The following MDGA2 variants were observed in gnomAD, a reference collection of about 807,000 sequenced individuals.
The protein encoded by MDGA2 is MAM domain containing glycosylphosphatidylinositol anchor 2.
In MDGA2, 40 loss-of-function variants were observed where a neutral mutation model predicts 117.8. The observed-to-expected ratio is 0.34, with a 90% CI of 0.26 to 0.44. The LOEUF is 0.44. Ranked by LOEUF, MDGA2 falls within the 20% of genes least tolerant of loss-of-function variation. MDGA2 has a pLI of 1.00. For synonymous variants in MDGA2, 452 were observed against 439.0 expected, an observed-to-expected ratio of 1.03 and a Z score of -0.37; for missense variants, 1,123 against 1,250.6, an observed-to-expected ratio of 0.90 and a Z score of 1.54.
chr14:46,848,074 G>A (rs1880912940), intron 15 of MDGA2, among the ~76,000 whole-genome samples: 1 of 151,862 alleles, frequency 6.6e-6, no homozygotes, highest in South Asian at 2.1e-4. Flanking sequence ...CATTCCCATG[G>A]GCTTTATGTG....
intron 8 of MDGA2, among the ~76,000 whole-genome samples, chr14:47,009,741 T>C (rs774027429): frequency 8.6e-5 from 13 of 152,032 alleles, no homozygotes; most frequent in Non-Finnish European, 1.6e-4. Flanking sequence ...GGTAAGAATT[T>C]TGAACTTTTA....
At chr14:47,386,267 C>T (rs1343442268) in intron 1 of MDGA2, among the ~76,000 whole-genome samples, 2 of 151,860 alleles carry the variant, frequency 1.3e-5, no homozygotes, top group Admixed American at 6.6e-5. Context: ...GCAACAAGAG[C>T]AAAACTCCAC....
intron 1 of MDGA2, among the ~76,000 whole-genome samples, chr14:47,360,117 T>C (rs190311694): frequency 6.6e-6 from 1 of 152,032 alleles, no homozygotes; most frequent in Non-Finnish European, 1.5e-5. Flanking sequence ...TTTGGGAGGC[T>C]GAGGTGGGCG....
intron 3 of MDGA2, among the ~76,000 whole-genome samples, chr14:47,146,908 A>G (rs895317578): frequency 6.6e-6 from 1 of 152,118 alleles, no homozygotes; most frequent in Non-Finnish European, 1.5e-5. Context: ...CCTGGTCTGG[A>G]TGACTTTTGG....
At chr14:47,590,410 A>G (rs1215141879) in intron 1 of MDGA2, among the ~76,000 whole-genome samples, 1 of 151,912 alleles carries the variant, frequency 6.6e-6, no homozygotes, top group South Asian at 2.1e-4. Context: ...ACAAAGTAAG[A>G]CACATTCAAG....
intron 3 of MDGA2, among the ~76,000 whole-genome samples, chr14:47,165,881 A>G (rs17651291): frequency 0.085 from 12,861 of 152,180 alleles, 613 homozygotes; most frequent in Non-Finnish European, 0.09. Flanking sequence ...AGGCAGAATA[A>G]AAACACACAT....
intron 6 of MDGA2, among the ~76,000 whole-genome samples, chr14:47,089,718 G>A (rs1306069636): frequency 2.0e-5 from 3 of 152,052 alleles, no homozygotes; most frequent in Non-Finnish European, 4.4e-5. Context: ...AAAAAAGGAT[G>A]AGTTCATGTC....
chr14:47,503,553 C>T (rs529032777), intron 1 of MDGA2, among the ~76,000 whole-genome samples: 30 of 151,824 alleles, frequency 2.0e-4, no homozygotes, highest in South Asian at 6.2e-4. Flanking sequence ...TACAGGCACC[C>T]GCCACCACGC....
chr14:46,866,237 A>G (rs968468864), intron 14 of MDGA2, among the ~76,000 whole-genome samples: 19 of 151,960 alleles, frequency 1.3e-4, no homozygotes, highest in African/African-American at 4.4e-4. Flanking sequence ...AAATAATGCC[A>G]CATATCCACA....
intron 1 of MDGA2, among the ~76,000 whole-genome samples, chr14:47,470,130 T>C (rs1197860359): frequency 7.0e-6 from 1 of 143,794 alleles, no homozygotes. Context: ...ATTTTTTTTT[T>C]GATGCTTTCA....
intron 1 of MDGA2, among the ~76,000 whole-genome samples, chr14:47,540,295 G>A (rs905950667): frequency 2.2e-4 from 33 of 151,978 alleles, no homozygotes; most frequent in African/African-American, 8.0e-4. Flanking sequence ...TTACAGGCGT[G>A]GGCCACCGTG....
intron 1 of MDGA2, among the ~76,000 whole-genome samples, chr14:47,421,331 A>G (rs540873375): frequency 1.3e-5 from 2 of 152,256 alleles, no homozygotes; most frequent in Admixed American, 1.3e-4. Flanking sequence ...AGAACAAACT[A>G]AATTGCAAAT....
At position 47,497,375 on chromosome 14, in the gene MDGA2, G is replaced by A. The variant is rs1363496955; in HGVS notation, c.280+177142C>T. Among the ~76,000 whole-genome samples, 30 of 152,122 alleles carry A rather than the reference G, an allele frequency of 2.0e-4. 1 individual carries two copies. The highest frequency in any genetic ancestry group is 2.0e-3 in the Admixed American group (30 of 15,270). On this transcript the variant is annotated intron_variant, in intron 1 of 16. Transcript: ENST00000399232. ...TGGCTCAATCAATTCTCCTGCCTCA[G>A]TCTCCTGAGTAACTGAGATTACAGG...
chr14:47,197,721 G>A (rs7160940), intron 3 of MDGA2, among the ~76,000 whole-genome samples: 5 of 151,968 alleles, frequency 3.3e-5, no homozygotes, highest in South Asian at 2.1e-4. Flanking sequence ...CCAGCCTGAC[G>A]AACATGGTGA....
chr14:47,360,495 T>C (rs1231758384), intron 1 of MDGA2, among the ~76,000 whole-genome samples: 1 of 152,058 alleles, frequency 6.6e-6, no homozygotes, highest in Non-Finnish European at 1.5e-5. Flanking sequence ...GCTTTCCCAA[T>C]GAGAGAAATG....
At chr14:47,621,899 C>T (rs1897056449) in intron 1 of MDGA2, among the ~76,000 whole-genome samples, 1 of 152,232 alleles carries the variant, frequency 6.6e-6, no homozygotes, top group African/African-American at 2.4e-5. Flanking sequence ...ATTATGTCAC[C>T]AGAGCATGAT....
At chr14:47,013,772 G>GTGTATATATATATA (rs1555343310) in intron 8 of MDGA2, among the ~76,000 whole-genome samples, 5 of 93,698 alleles carry the variant, frequency 5.3e-5, no homozygotes, top group Non-Finnish European at 8.8e-5. Context: ...TAATTTCCTT[G>GTGTATATATATATA]TATATATATA....
intron 1 of MDGA2, among the ~76,000 whole-genome samples, chr14:47,439,280 A>G (rs551686375): frequency 1.3e-5 from 2 of 152,230 alleles, no homozygotes; most frequent in South Asian, 2.1e-4. Flanking sequence ...ATAAATAGAT[A>G]TATGCATAGC....
At chr14:47,269,577 A>C (rs1221036642) in intron 2 of MDGA2, among the ~76,000 whole-genome samples, 1 of 152,184 alleles carries the variant, frequency 6.6e-6, no homozygotes, top group African/African-American at 2.4e-5. Context: ...AAAAAATTCA[A>C]GTAATTGCAA....
Sources: gnomAD v4.1 joint callset for allele counts (sites outside exome capture counted in the v4.1 genomes callset) on GRCh38, gnomAD v4.1.1 for gene constraint, MANE v1.5 for transcripts, NCBI Gene and HGNC (gene_info 2026-07-23, HGNC 2026-07-21) for gene names.